Variants in SH3RF2 observed in about 807,000 individuals in gnomAD.
SH3RF2 encodes the protein E3 ubiquitin-protein ligase SH3RF2.
A neutral mutation model predicts 59.0 loss-of-function variants in SH3RF2; 43 were observed. The observed-to-expected ratio is 0.73, with a 90% CI of 0.57 to 0.94. The LOEUF (loss-of-function observed/expected upper bound fraction) is 0.94. SH3RF2 is among the 40% of genes least tolerant of loss of function. SH3RF2 has a pLI of 0.00. For synonymous variants in SH3RF2, 391 were observed against 391.5 expected (o/e 1.00, Z 0.01); for missense variants, 930 against 940.1 (o/e 0.99, Z 0.14).
intron 8 of SH3RF2, 115 bp from the exon 9 acceptor site, chr5:146,059,751 A>G: frequency 1.5e-6 from 1 of 684,494 alleles, no homozygotes; most frequent in Non-Finnish European, 2.3e-6. Flanking sequence ...GAGTGCAGTC[A>G]GATTAGGAAA....
intron 5 of SH3RF2, among the ~76,000 whole-genome samples, chr5:146,027,995 C>A (rs1036979408): frequency 6.6e-6 from 1 of 152,196 alleles, no homozygotes; most frequent in African/African-American, 2.4e-5. Flanking sequence ...AACTTTACAT[C>A]ATCGTTTTGC....
rs561933840 is a variant in SH3RF2 at position 146,018,086 on chromosome 5, T to C, written c.1059+4025T>C. On this transcript the variant is annotated intron_variant, in intron 5 of 9. Transcript: ENST00000359120. ...AAAGATTAGGTATTTTTCTTAGTCT[T>C]TTTTTAATTTTAATTTTTTCATTTC... Among the ~76,000 whole-genome samples, 6 of 152,310 alleles carry C rather than the reference T, an allele frequency of 3.9e-5. No homozygotes were observed. In the East Asian group the frequency reaches 1.2e-3, roughly 29 times the overall value.
chr5:145,995,097 G>C (rs1408549583), intron 2 of SH3RF2, among the ~76,000 whole-genome samples: 3 of 152,044 alleles, frequency 2.0e-5, no homozygotes, highest in Non-Finnish European at 4.4e-5. Context: ...CAGGATGGGT[G>C]TGGAAGCTCT....
At chr5:146,079,461 C>T (rs1461255664) in exon 10 of SH3RF2, 2 of 152,204 alleles carry the variant, frequency 1.3e-5, no homozygotes, top group Non-Finnish European at 2.9e-5. Flanking sequence ...TTTAAAGGCA[C>T]ATGCTGCTCT....
At chr5:146,010,993 T>A (rs1279551663) in intron 4 of SH3RF2, among the ~76,000 whole-genome samples, 2 of 152,170 alleles carry the variant, frequency 1.3e-5, no homozygotes, top group Admixed American at 1.3e-4. Context: ...GGTTTTCTTC[T>A]AGGGTTTTTA....
intron 5 of SH3RF2, among the ~76,000 whole-genome samples, chr5:146,028,964 A>C (rs1417719908): frequency 6.6e-6 from 1 of 152,212 alleles, no homozygotes; most frequent in Non-Finnish European, 1.5e-5. Flanking sequence ...TTGTTGGAAA[A>C]ACATATTGTG....
chr5:146,007,293 C>T (rs575903807), intron 4 of SH3RF2, among the ~76,000 whole-genome samples: 2 of 152,284 alleles, frequency 1.3e-5, no homozygotes, highest in South Asian at 2.1e-4. Flanking sequence ...ACTGTGGATT[C>T]GACCCATAGG....
chr5:146,025,722 T>C (rs1490814866), intron 5 of SH3RF2, among the ~76,000 whole-genome samples: 2 of 152,172 alleles, frequency 1.3e-5, no homozygotes, highest in Non-Finnish European at 2.9e-5. Context: ...TTGTTGTTTT[T>C]ATTGTGTTTG....
At chr5:146,027,902 G>A (rs879070289) in intron 5 of SH3RF2, among the ~76,000 whole-genome samples, 5 of 152,100 alleles carry the variant, frequency 3.3e-5, no homozygotes, top group Non-Finnish European at 5.9e-5. Flanking sequence ...CGAGGTCCTC[G>A]GTCTGGTTTC....
chr5:146,059,915 A>T lies in SH3RF2; in HGVS notation c.1605A>T (p.Val535=), dbSNP rs558501536. 2 of 1,500,640 alleles carry T rather than the reference A, an allele frequency of 1.3e-6. No homozygotes were observed. The highest frequency in any genetic ancestry group is 1.8e-6 in the Non-Finnish European group (2 of 1,125,196). 93.0% of individuals were successfully genotyped at this position (1,500,640 alleles called of 1,614,324 possible). A position where few individuals can be genotyped will look rare whatever the true frequency, so the allele number is the denominator to read the frequency against. ...AGTCCGGGATCCCCACTCTCGTGGTAGGCTCCCTCAGACGCAGCCCCACCA... is the reference window on the plus strand; with the variant it reads ...AGTCCGGGATCCCCACTCTCGTGGTTGGCTCCCTCAGACGCAGCCCCACCA... ...PLQSGIPTLV[V]GSLRRSPTMV... is the part of the protein sequence containing the mutation. The change falls in exon 9 of 10, where the codon GTA becomes GTT. Residue 535 remains valine, a synonymous_variant. Transcript: ENST00000359120.
chr5:145,947,319 G>A (rs956487128), intron 2 of SH3RF2, among the ~76,000 whole-genome samples: 2 of 152,298 alleles, frequency 1.3e-5, no homozygotes, highest in Middle Eastern at 3.4e-3. Flanking sequence ...TTTGCTTAAT[G>A]TTTACAAGAC....
At chr5:146,044,270 C>T (rs1580910003) in intron 5 of SH3RF2, among the ~76,000 whole-genome samples, 1 of 151,980 alleles carries the variant, frequency 6.6e-6, no homozygotes, top group African/African-American at 2.4e-5. Context: ...CCTGCCTCAG[C>T]CTCCTGAGTA....
chr5:146,074,036 CTTTTTT>C (rs70998053), intron 9 of SH3RF2, among the ~76,000 whole-genome samples: 3 of 117,232 alleles, frequency 2.6e-5, no homozygotes, highest in African/African-American at 4.1e-5. Context: ...CATTAACACT[CTTTTTT>C]TTTTTTTTTT....
At chr5:145,960,941 A>T (rs1758607150) in intron 2 of SH3RF2, among the ~76,000 whole-genome samples, 1 of 152,214 alleles carries the variant, frequency 6.6e-6, no homozygotes, top group South Asian at 2.1e-4. Flanking sequence ...GTTAAAATGC[A>T]ATTCCTCAAA....
intron 2 of SH3RF2, among the ~76,000 whole-genome samples, chr5:145,950,455 T>C (rs968788117): frequency 1.3e-5 from 2 of 152,218 alleles, no homozygotes; most frequent in African/African-American, 4.8e-5. Flanking sequence ...GTTAATTATA[T>C]GCTGTGTCTT....
At chr5:146,021,730 C>A (rs990866252) in intron 5 of SH3RF2, among the ~76,000 whole-genome samples, 1 of 152,128 alleles carries the variant, frequency 6.6e-6, no homozygotes, top group African/African-American at 2.4e-5. Context: ...TTTGCCAGAG[C>A]CCCCTGGGTA....
chr5:146,014,302 G>A (rs977390476), intron 5 of SH3RF2, among the ~76,000 whole-genome samples: 5 of 152,148 alleles, frequency 3.3e-5, no homozygotes, highest in Admixed American at 3.3e-4. Context: ...TAGGTTTAGA[G>A]GGGTTAAACA....
chr5:146,030,709 GC>G lies in SH3RF2; in HGVS notation c.1059+16650del, dbSNP rs1461931696. Among the ~76,000 whole-genome samples, 4 of 145,700 alleles carry G rather than the reference GC, an allele frequency of 2.7e-5. No homozygotes were observed. The Admixed American group carries it at 2.8e-4, about 10-fold the overall frequency. ...TGCACCTGCTGCCTGTTTTCATATG[GC>G]CAGAAAGTTAAGAATGGCTTTTACA... On this transcript the variant is annotated intron_variant, in intron 5 of 9. Transcript: ENST00000359120.
chr5:146,062,787 T>A lies in SH3RF2; in HGVS notation c.*86T>A, dbSNP rs1762949593. 1 of 1,514,860 alleles carries A rather than the reference T, an allele frequency of 6.6e-7. No homozygotes were observed. Among genetic ancestry groups the A allele is most frequent in the African/African-American group, 1.4e-5 (1 of 72,468 alleles). The allele number at this position is 1,514,860 out of a possible 1,614,324, so 93.8% of individuals were successfully genotyped here. A position where few individuals can be genotyped will look rare whatever the true frequency, so the allele number is the denominator to read the frequency against. On this transcript the variant is annotated 3_prime_UTR_variant, in exon 10 of 10. Transcript: ENST00000359120. ...TCCACTGAGGGCATCCTGCCATTCTTTGGGGACTTGAGCATGGGTCCTTGT... is the reference window on the plus strand; with the variant it reads ...TCCACTGAGGGCATCCTGCCATTCTATGGGGACTTGAGCATGGGTCCTTGT...
Sources: gnomAD v4.1 joint callset for allele counts (sites outside exome capture counted in the v4.1 genomes callset) on GRCh38, gnomAD v4.1.1 for gene constraint, MANE v1.5 for transcripts, NCBI Gene and HGNC (gene_info 2026-07-23, HGNC 2026-07-21) for gene names.